GLI3: variants seen among roughly 807,000 people sequenced by gnomAD.
GLI3 encodes the protein GLI family zinc finger 3, also known as transcription activator GLI3.
GLI3 carries 20 observed loss-of-function variants against 100.8 expected under a neutral mutation model. The observed-to-expected ratio is 0.20, with a 90% confidence interval of 0.14 to 0.29. GLI3 has a LOEUF of 0.29. GLI3 is among the 10% of genes least tolerant of loss of function. The pLI, the probability that GLI3 is intolerant of heterozygous loss-of-function variation, is 1.00. For synonymous variants in GLI3, 938 were observed against 860.5 expected (o/e 1.09, Z -1.58); for missense variants, 2,040 against 2,128.5 (o/e 0.96, Z 0.82).
intron 4 of GLI3, among the ~76,000 whole-genome samples, chr7:42,073,867 A>G (rs1784829891): frequency 6.6e-6 from 1 of 152,260 alleles, no homozygotes; most frequent in African/African-American, 2.4e-5. Flanking sequence ...TAAGACAATT[A>G]TATAGCAAAC....
At position 41,967,792 on chromosome 7, in the gene GLI3, A is replaced by C. The variant is rs1240163671; in HGVS notation, c.2235T>G (p.Asp745Glu). 1 of 1,614,076 alleles carries C rather than the reference A, an allele frequency of 6.2e-7. No individual in the cohort carries two copies. The highest frequency in any genetic ancestry group is 1.3e-5 in the African/African-American group (1 of 74,918). The stretch of plus-strand genomic sequence containing the variant: ...TGGTTGAGTCCATGATTGGGGTTTC[A>C]TCGATGGCACTGAGGTCTCCTATAC... ...GGSIGDLSAI[D>E]ETPIMDSTIS... The change falls in exon 14 of 15, where the codon GAT becomes GAG. Residue 745 changes from aspartate (D) to glutamate (E), a missense_variant. Asp to Glu is a conservative substitution (Grantham distance 45). Coordinates refer to ENST00000395925, the MANE Select transcript of GLI3 (RefSeq NM_000168.6).
chr7:42,149,023 AG>A (rs1374992808), intron 2 of GLI3, among the ~76,000 whole-genome samples: 6 of 152,240 alleles, frequency 3.9e-5, no homozygotes, highest in Non-Finnish European at 8.8e-5. Context: ...GTTTTAAGTC[AG>A]ATTTGTAACC....
At chr7:42,072,684 C>T (rs1367807222) in intron 4 of GLI3, among the ~76,000 whole-genome samples, 1 of 152,038 alleles carries the variant, frequency 6.6e-6, no homozygotes, top group Non-Finnish European at 1.5e-5. Flanking sequence ...AGTGTCTCCT[C>T]GAGTTAGGGA....
At chr7:42,206,205 T>C (rs1468596220) in intron 2 of GLI3, among the ~76,000 whole-genome samples, 1 of 151,758 alleles carries the variant, frequency 6.6e-6, no homozygotes, top group Non-Finnish European at 1.5e-5. Flanking sequence ...GAGGTGGAGG[T>C]TGCAGTGAGC....
chr7:41,969,480 T>C (rs1174262138), intron 13 of GLI3, among the ~76,000 whole-genome samples: 2 of 152,200 alleles, frequency 1.3e-5, no homozygotes, highest in East Asian at 1.9e-4. Context: ...GAGTGCTGCA[T>C]GGTACACTAA....
intron 4 of GLI3, among the ~76,000 whole-genome samples, chr7:42,076,226 C>T (rs573734363): frequency 3.3e-4 from 50 of 152,326 alleles, no homozygotes; most frequent in Non-Finnish European, 5.3e-4. Context: ...AGCATTCTTT[C>T]CTTTTATCTT....
At chr7:42,147,379 G>A (rs992779674) in intron 3 of GLI3, among the ~76,000 whole-genome samples, 16 of 152,140 alleles carry the variant, frequency 1.1e-4, no homozygotes, top group African/African-American at 3.6e-4. Context: ...CCCCTCACTG[G>A]AGCTCAATGG....
intron 1 of GLI3, among the ~76,000 whole-genome samples, chr7:42,249,872 A>G (rs893183112): frequency 6.6e-6 from 1 of 152,262 alleles, no homozygotes; most frequent in South Asian, 2.1e-4. Flanking sequence ...AGTTGGGCGA[A>G]TCACTTGACG....
chr7:42,197,946 G>C (rs569845121), intron 2 of GLI3, among the ~76,000 whole-genome samples: 1 of 152,098 alleles, frequency 6.6e-6, no homozygotes, highest in African/African-American at 2.4e-5. Context: ...ATCATGATTC[G>C]GGTACATATA....
At chr7:42,135,683 C>CG (rs1786411306) in intron 3 of GLI3, among the ~76,000 whole-genome samples, 1 of 152,228 alleles carries the variant, frequency 6.6e-6, no homozygotes, top group Non-Finnish European at 1.5e-5. Context: ...TTAGCCTGCA[C>CG]GGGCCCTGCT....
chr7:42,106,235 C>G (rs1785572096), intron 3 of GLI3, among the ~76,000 whole-genome samples: 1 of 152,208 alleles, frequency 6.6e-6, no homozygotes, highest in Admixed American at 6.5e-5. Flanking sequence ...TGTCTGATAT[C>G]TGCACGTCCT....
At chr7:42,094,148 A>G (rs1467740555) in intron 3 of GLI3, among the ~76,000 whole-genome samples, 1 of 152,152 alleles carries the variant, frequency 6.6e-6, no homozygotes, top group Admixed American at 6.5e-5. Flanking sequence ...CCGCCCTTCA[A>G]ATCATTGCTG....
intron 2 of GLI3, among the ~76,000 whole-genome samples, chr7:42,170,576 G>C (rs1038898281): frequency 6.6e-6 from 1 of 151,482 alleles, no homozygotes; most frequent in South Asian, 2.1e-4. Flanking sequence ...CCAATTTTTT[G>C]TATTTGTAAT....
intron 8 of GLI3, 47 bp downstream of exon 8, chr7:42,026,152 C>G (rs1020282145): frequency 1.4e-6 from 2 of 1,391,096 alleles, no homozygotes; most frequent in Non-Finnish European, 2.0e-6. Flanking sequence ...CCTGCCCCCA[C>G]CCTCGGCTGA....
intron 10 of GLI3, among the ~76,000 whole-genome samples, chr7:41,990,653 T>C (rs1016224460): frequency 6.6e-6 from 1 of 152,194 alleles, no homozygotes; most frequent in Admixed American, 6.5e-5. Context: ...GAGAGTATTT[T>C]TAATATTGGG....
At chr7:42,113,039 G>C (rs1282208621) in intron 3 of GLI3, among the ~76,000 whole-genome samples, 3 of 152,070 alleles carry the variant, frequency 2.0e-5, no homozygotes, top group Non-Finnish European at 4.4e-5. Flanking sequence ...CGAGCATGGT[G>C]GCAGGAGCCT....
chr7:42,161,281 T>A (rs2128793728), intron 2 of GLI3, among the ~76,000 whole-genome samples: 1 of 152,346 alleles, frequency 6.6e-6, no homozygotes, highest in Non-Finnish European at 1.5e-5. Context: ...AATTTCAAGG[T>A]CCATAAATAA....
At chr7:42,198,841 G>A (rs936468260) in intron 2 of GLI3, among the ~76,000 whole-genome samples, 6 of 151,622 alleles carry the variant, frequency 4.0e-5, no homozygotes, top group Non-Finnish European at 8.8e-5. Context: ...AATGTTAGAT[G>A]GTGGCACTTT....
chr7:42,153,092 G>T (rs1047482911), intron 2 of GLI3, among the ~76,000 whole-genome samples: 2 of 152,224 alleles, frequency 1.3e-5, no homozygotes, highest in African/African-American at 4.8e-5. Context: ...GCTAAAGGAA[G>T]AAACAGGCTA....
Sources: allele counts gnomAD v4.1 joint callset (sites outside exome capture counted in the v4.1 genomes callset), GRCh38; gene constraint gnomAD v4.1.1; transcripts MANE v1.5; gene names NCBI Gene and HGNC (gene_info 2026-07-23, HGNC 2026-07-21).